The following SEC11C variants were observed in gnomAD, a reference collection of about 807,000 sequenced individuals.
The protein encoded by SEC11C is SEC11 homolog C, signal peptidase complex subunit.
A neutral mutation model predicts 21.9 loss-of-function variants in SEC11C; 10 were observed. That is an observed-to-expected ratio of 0.46 (90% CI 0.28 to 0.77). SEC11C has a LOEUF of 0.77. Among genes scored for constraint, SEC11C ranks in the 30% least tolerant of loss-of-function variants. The probability of loss-of-function intolerance (pLI) is 0.12; values close to 1 mark genes in which losing one functional copy is unlikely to be tolerated. For missense variants in SEC11C, 145 were observed against 244.5 expected, an observed-to-expected ratio of 0.59 and a Z score of 2.71; for synonymous variants, 83 against 85.6, an observed-to-expected ratio of 0.97 and a Z score of 0.17.
chr18:59,155,552 TA>T, intron 3 of SEC11C, 135 bp from the exon 4 acceptor site: 1 of 805,668 alleles, frequency 1.2e-6, no homozygotes, highest in Non-Finnish European at 1.9e-6. Flanking sequence ...CATCTTAGAC[TA>T]AAGGAAGGTC....
At chr18:59,158,244 C>T (rs976635239) in intron 5 of SEC11C, among the ~76,000 whole-genome samples, 21 of 152,050 alleles carry the variant, frequency 1.4e-4, no homozygotes, top group African/African-American at 3.4e-4. Flanking sequence ...TTAGTAGAGA[C>T]GGGGTTTTGC....
At chr18:59,147,823 GA>G (rs2069294950) in intron 1 of SEC11C, 1 of 152,474 alleles carries the variant, frequency 6.6e-6, no homozygotes, top group African/African-American at 2.4e-5. Context: ...GAAATCTCTG[GA>G]GGAAAAGCTG....
rs1431257170 is a variant in SEC11C at position 59,158,716 on chromosome 18, A to C, written c.*31A>C. The C allele has an allele frequency of 1.9e-6, 3 of 1,571,874 alleles. No homozygotes were observed. The highest frequency in any genetic ancestry group is 2.6e-6 in the Non-Finnish European group (3 of 1,141,766). On this transcript the variant is annotated 3_prime_UTR_variant, in exon 6 of 6. Coordinates refer to ENST00000587834, the MANE Select transcript of SEC11C (RefSeq NM_033280.4). The stretch of plus-strand genomic sequence containing the variant: ...GAAGCAGTTCCTGGGACCAGATTGA[A>C]ATGAATTCTGTTGAAAAAGAGAAAA...
rs759129741 is a variant in SEC11C, at chr18:59,155,712, G to C, written c.372G>C (p.Leu124=). The change falls in exon 4 of 6, where the codon CTG becomes CTC. Residue 124 remains leucine, a synonymous_variant. Coordinates refer to ENST00000587834, the MANE Select transcript of SEC11C (RefSeq NM_033280.4). ...GAGATAATGGAGACATCAAATTTCT[G>C]ACTAAAGGAGATAATAATGAAGTTG... ...HEKDNGDIKF[L]TKGDNNEVDD... 7 of 1,613,510 alleles carry C rather than the reference G, an allele frequency of 4.3e-6. No homozygotes were observed. Among genetic ancestry groups the C allele is most frequent in the Non-Finnish European group, 5.9e-6 (7 of 1,179,738 alleles).
At chr18:59,153,584 G>C (rs533982634) in intron 3 of SEC11C, among the ~76,000 whole-genome samples, 1 of 151,978 alleles carries the variant, frequency 6.6e-6, no homozygotes, top group Non-Finnish European at 1.5e-5. Flanking sequence ...GGAGTCTCAC[G>C]CTGTCACCTA....
Position 59,152,704 on chromosome 18 carries a change from CT to C in SEC11C, c.347+23del, listed in dbSNP as rs772574418. On this transcript the variant is annotated intron_variant, in intron 3 of 5. Coordinates refer to ENST00000587834, the MANE Select transcript of SEC11C (RefSeq NM_033280.4). ...ATGAAAAGTAAAGAGGCTTTATTTCCTTTTGGTTTTGTTATGTAAATTTTTG... is the reference window on the plus strand; with the variant it reads ...ATGAAAAGTAAAGAGGCTTTATTTCCTTTGGTTTTGTTATGTAAATTTTTG... The C allele has an allele frequency of 6.4e-7, 1 of 1,567,334 alleles. No individual in the cohort carries two copies. Among genetic ancestry groups the C allele is most frequent in the African/African-American group, 1.4e-5 (1 of 72,586 alleles).
chr18:59,144,532 G>A (rs2069248063), intron 1 of SEC11C, among the ~76,000 whole-genome samples: 1 of 152,066 alleles, frequency 6.6e-6, no homozygotes. Flanking sequence ...ACCAGCCTGA[G>A]CAACATAAAA....
At chr18:59,140,821 C>G (rs1026002957) in intron 1 of SEC11C, among the ~76,000 whole-genome samples, 2 of 152,084 alleles carry the variant, frequency 1.3e-5, no homozygotes, top group African/African-American at 4.8e-5. Flanking sequence ...GGCCTTATCT[C>G]TTCACTATAA....
rs747642359 is a variant in SEC11C at position 59,152,614 on chromosome 18, T to C, written c.276T>C (p.Gly92=). 45 of 1,613,648 alleles carry C rather than the reference T, an allele frequency of 2.8e-5. No homozygotes were observed. Among genetic ancestry groups the C allele is most frequent in the Non-Finnish European group, 3.7e-5 (44 of 1,179,888 alleles). ...TNFREDPIRA[G]EIVVFKVEGR... is the part of the protein sequence containing the mutation. ...TCCGGGAAGACCCAATCAGAGCTGG[T>C]GAAATAGTTGTTTTTAAAGTTGAAG... The change falls in exon 3 of 6, where the codon GGT becomes GGC. Residue 92 remains glycine (G), a synonymous_variant. Transcript: ENST00000587834.
Position 59,143,352 on chromosome 18 carries a change from CAAAAAAA to C in SEC11C, c.87+3334_87+3340del, listed in dbSNP as rs36204971. Reference sequence around the variant, plus strand: ...TGGGCAACAGAGTGAGACTCCATTTCAAAAAAAAAAAAAAAAAAAAAAAGTGTGTAAC... The same window carrying C: ...TGGGCAACAGAGTGAGACTCCATTTCAAAAAAAAAAAAAAAAGTGTGTAAC... On this transcript the variant is annotated intron_variant, in intron 1 of 5. Transcript: ENST00000587834. Among the ~76,000 whole-genome samples the C allele has an allele frequency of 1.7e-3, 185 of 111,160 alleles. 1 individual carries two copies. Among genetic ancestry groups the C allele is most frequent in the African/African-American group, 3.9e-3 (128 of 32,960 alleles). The allele number at this position is 111,160 out of a possible 152,430, so 72.9% of individuals were successfully genotyped here. A position where few individuals can be genotyped will look rare whatever the true frequency, so the allele number is the denominator to read the frequency against.
chr18:59,155,587 A>G, intron 3 of SEC11C, 101 bp from the exon 4 acceptor site: 7 of 1,279,266 alleles, frequency 5.5e-6, no homozygotes, highest in South Asian at 2.8e-5. Context: ...CTGTTTTTCT[A>G]AATGCTCCTG....
At chr18:59,151,435 A>G (rs1009251726) in intron 2 of SEC11C, among the ~76,000 whole-genome samples, 4 of 152,052 alleles carry the variant, frequency 2.6e-5, no homozygotes, top group African/African-American at 9.7e-5. Flanking sequence ...TTTTCTCTTA[A>G]GTCAGTTGTA....
rs78559515 is a variant in SEC11C, at chr18:59,155,751, G to A, written c.411G>A (p.Leu137=). ...GDNNEVDDRG[L]YKEGQNWLEK... ...ATAATGAAGTTGATGATAGAGGCTT[G>A]TACAAAGAAGGCCAGAACTGGCTGG... The change falls in exon 4 of 6, where the codon TTG becomes TTA. Residue 137 remains leucine (L), a synonymous_variant. Coordinates refer to ENST00000587834, the MANE Select transcript of SEC11C (RefSeq NM_033280.4). 5.1e-5 allele frequency: 83 copies of A among 1,613,806 alleles called. No homozygotes were observed. Among genetic ancestry groups the A allele is most frequent in the Middle Eastern group, 3.3e-4 (2 of 6,084 alleles).
chr18:59,145,474 C>T (rs1020840548), intron 1 of SEC11C, among the ~76,000 whole-genome samples: 2 of 152,152 alleles, frequency 1.3e-5, no homozygotes, highest in African/African-American at 4.8e-5. Flanking sequence ...AGGGAGGGAG[C>T]CTTCTGGGTA....
At chr18:59,144,844 T>C (rs533352560) in intron 1 of SEC11C, among the ~76,000 whole-genome samples, 4 of 152,228 alleles carry the variant, frequency 2.6e-5, no homozygotes, top group Non-Finnish European at 4.4e-5. Context: ...CTACTTGTAT[T>C]TTCCTTTGGA....
In SEC11C at chr18:59,143,352, CAAAAA is replaced by C. The variant is rs36204971; in HGVS notation, c.87+3336_87+3340del. ...TGGGCAACAGAGTGAGACTCCATTT[CAAAAA>C]AAAAAAAAAAAAAAAAAAGTGTGTA... is the stretch of plus-strand genomic sequence containing the variant. On this transcript the variant is annotated intron_variant, in intron 1 of 5. Coordinates refer to ENST00000587834, the MANE Select transcript of SEC11C (RefSeq NM_033280.4). Among the ~76,000 whole-genome samples the C allele has an allele frequency of 1.9e-3, 207 of 111,186 alleles. 2 individuals carry two copies. The highest frequency in any genetic ancestry group is 2.5e-3 in the Non-Finnish European group (123 of 49,214). The allele number at this position is 111,186 out of a possible 152,430, so 72.9% of individuals were successfully genotyped here.
intron 1 of SEC11C, among the ~76,000 whole-genome samples, chr18:59,145,909 T>G (rs1049054665): frequency 6.6e-6 from 1 of 152,248 alleles, no homozygotes; most frequent in Non-Finnish European, 1.5e-5. Context: ...CTAGGAGCAA[T>G]AGGCTACATC....
intron 4 of SEC11C, chr18:59,156,972 A>G (rs1010052018): frequency 1.3e-5 from 2 of 152,266 alleles, no homozygotes; most frequent in Admixed American, 6.5e-5. Flanking sequence ...GAGGGTACCT[A>G]TGGGTGTGTT....
At chr18:59,156,050 G>T (rs1302304597) in intron 4 of SEC11C, 2 of 363,342 alleles carry the variant, frequency 5.5e-6, no homozygotes, top group Non-Finnish European at 1.0e-5. Flanking sequence ...AATAAATCCA[G>T]CCAGGCGCAG....
Sources: gnomAD v4.1 joint callset for allele counts (sites outside exome capture counted in the v4.1 genomes callset) on GRCh38, gnomAD v4.1.1 for gene constraint, MANE v1.5 for transcripts, NCBI Gene and HGNC (gene_info 2026-07-23, HGNC 2026-07-21) for gene names.